The following MUC15 variants were observed in gnomAD, a reference collection of about 807,000 sequenced individuals.
MUC15 encodes the protein mucin 15, cell surface associated.
In MUC15, 23 loss-of-function variants were observed where a neutral mutation model predicts 24.0. That is an observed-to-expected ratio of 0.96 (90% CI 0.69 to 1.36). The LOEUF is 1.36. MUC15 is among the 40% of genes most tolerant of loss of function. MUC15 has a pLI of 0.00. For synonymous variants in MUC15, 151 were observed against 156.3 expected (o/e 0.97, Z 0.25); for missense variants, 442 against 428.2 (o/e 1.03, Z -0.29).
chr11:26,568,785 T>C (rs1003519284), intron 1 of MUC15, among the ~76,000 whole-genome samples: 3 of 152,052 alleles, frequency 2.0e-5, no homozygotes, highest in Non-Finnish European at 4.4e-5. Context: ...TAATTCAGTT[T>C]AGTTTAAAAA....
Position 26,559,533 on chromosome 11 carries a change from C to A in MUC15, c.*1532G>T. The A allele has an allele frequency of 3.5e-6, 2 of 567,262 alleles. No individual in the cohort carries two copies. The highest frequency in any genetic ancestry group is 2.3e-5 in the South Asian group (1 of 43,058). The allele number at this position is 567,262 out of a possible 1,614,324, so 35.1% of individuals were successfully genotyped here. A position where few individuals can be genotyped will look rare whatever the true frequency, so the allele number is the denominator to read the frequency against. ...GGGCTAATGTTGTTTCTTCACCTCT[C>A]CCCATGAGAAAAATCATGTGAAATT... On this transcript the variant is annotated 3_prime_UTR_variant, in exon 5 of 5. Coordinates refer to ENST00000529533, the MANE Select transcript of MUC15 (RefSeq NM_001135091.2).
intron 3 of MUC15, among the ~76,000 whole-genome samples, chr11:26,564,783 A>ATCTGAGTT: frequency 9.9e-6 from 1 of 100,714 alleles, no homozygotes; most frequent in Non-Finnish European, 2.0e-5. Flanking sequence ...ATATATATAT[A>ATCTGAGTT]TAAGTTCAGT....
chr11:26,569,270 A>T (rs1188148874), intron 1 of MUC15, among the ~76,000 whole-genome samples: 1 of 152,176 alleles, frequency 6.6e-6, no homozygotes, highest in Non-Finnish European at 1.5e-5. Flanking sequence ...GTTACTGCCT[A>T]TAATTTATCT....
chr11:26,560,917 A>G lies in MUC15; in HGVS notation c.*148T>C. On this transcript the variant is annotated 3_prime_UTR_variant, in exon 5 of 5. Transcript: ENST00000529533. ...AACCTTTGGATGATACATCCTGTCT[A>G]CATTTCTGCTACTGGTCTCCTGCTT... is the stretch of plus-strand genomic sequence containing the variant. 1.3e-6 allele frequency: 1 copy of G among 740,874 alleles called. No homozygotes were observed. 45.9% of individuals were successfully genotyped at this position (740,874 alleles called of 1,614,324 possible). A position where few individuals can be genotyped will look rare whatever the true frequency, so the allele number is the denominator to read the frequency against.
chr11:26,564,728 CACACATATAT>C (rs1196522487), intron 3 of MUC15, among the ~76,000 whole-genome samples: 175 of 35,940 alleles, frequency 4.9e-3, no homozygotes, highest in Non-Finnish European at 6.5e-3. Flanking sequence ...CACACACACA[CACACATATAT>C]ATATATATAT....
chr11:26,565,570 A>G lies in MUC15; in HGVS notation c.370T>C (p.Leu124=), dbSNP rs866610526. ...GTAGATGTGGGTTTTAGACTGCCCAAAGAATGCTCTGCTGATGAGTTACTG... is the reference window on the plus strand; with the variant it reads ...GTAGATGTGGGTTTTAGACTGCCCAGAGAATGCTCTGCTGATGAGTTACTG... ...FSSNSSAEHS[L]GSLKPTSTIS... Residue 124 remains leucine, a synonymous_variant, in exon 3 of 5, where the codon TTG becomes CTG. Coordinates refer to ENST00000529533, the MANE Select transcript of MUC15 (RefSeq NM_001135091.2). 6.8e-6 allele frequency: 11 copies of G among 1,613,230 alleles called. No individual in the cohort carries two copies. Among genetic ancestry groups the G allele is most frequent in the Admixed American group, 3.3e-5 (2 of 59,848 alleles).
chr11:26,570,671 T>C (rs1175082935), intron 1 of MUC15, among the ~76,000 whole-genome samples: 1 of 152,166 alleles, frequency 6.6e-6, no homozygotes, highest in Non-Finnish European at 1.5e-5. Context: ...TGTTTGATCA[T>C]TTCTTCTCAC....
In MUC15 at chr11:26,560,721, A is replaced by T. The variant is rs542679327; in HGVS notation, c.*344T>A. 139 of 177,766 alleles carry T rather than the reference A, an allele frequency of 7.8e-4. No individual in the cohort carries two copies. The highest frequency in any genetic ancestry group is 3.2e-3 in the African/African-American group (136 of 42,086). The allele number at this position is 177,766 out of a possible 1,614,324, so 11.0% of individuals were successfully genotyped here. A position where few individuals can be genotyped will look rare whatever the true frequency, so the allele number is the denominator to read the frequency against. On this transcript the variant is annotated 3_prime_UTR_variant, in exon 5 of 5. Coordinates refer to ENST00000529533, the MANE Select transcript of MUC15 (RefSeq NM_001135091.2). The stretch of plus-strand genomic sequence containing the variant: ...AAAGAGTCATCTTCATTGTTTTAGA[A>T]TTTTTTGGTGGAATAATTTTTATTA...
Position 26,559,882 on chromosome 11 carries a change from T to C in MUC15, c.*1183A>G. On this transcript the variant is annotated 3_prime_UTR_variant, in exon 5 of 5. Coordinates refer to ENST00000529533, the MANE Select transcript of MUC15 (RefSeq NM_001135091.2). ...CACACACACACACACACACCATGAA[T>C]CAATTCAAAAATAAAGCCTCTAGGT... 2.4e-6 allele frequency: 2 copies of C among 820,084 alleles called. No individual in the cohort carries two copies. Among genetic ancestry groups the C allele is most frequent in the South Asian group, 3.3e-5 (2 of 60,784 alleles). 50.8% of individuals were successfully genotyped at this position (820,084 alleles called of 1,614,324 possible).
At chr11:26,562,533 C>G (rs1850334351) in intron 4 of MUC15, among the ~76,000 whole-genome samples, 1 of 151,984 alleles carries the variant, frequency 6.6e-6, no homozygotes, top group South Asian at 2.1e-4. Context: ...TTTTAGTATA[C>G]ATATTTCTCA....
At chr11:26,571,001 T>C (rs1304574986) in intron 1 of MUC15, among the ~76,000 whole-genome samples, 2 of 152,032 alleles carry the variant, frequency 1.3e-5, no homozygotes, top group Admixed American at 6.6e-5. Flanking sequence ...AAGAAAAGAC[T>C]GGCTTTCTTT....
rs1187750022 is a variant in MUC15 at position 26,567,064 on chromosome 11, A to G, written c.31T>C (p.Ser11Pro). The change falls in exon 2 of 5, where the codon TCA becomes CCA. Residue 11 changes from serine (S) to proline (P), a missense_variant. Transcript: ENST00000529533. ...ATTTGATACTTACAACAATCCCTTG[A>G]TGTGGCAAGAATAGATTGTATTATG... The part of the protein sequence containing the change: MGIIQSILAT[S>P]RDCYSFKKKP... 6.6e-7 allele frequency: 1 copy of G among 1,510,230 alleles called. No individual in the cohort carries two copies. The highest frequency in any genetic ancestry group is 2.1e-5 in the Admixed American group (1 of 47,582). The allele number at this position is 1,510,230 out of a possible 1,614,324, so 93.6% of individuals were successfully genotyped here.
In MUC15 at chr11:26,560,510, A is replaced by G. The variant is rs1398854327; in HGVS notation, c.*555T>C. Reference sequence around the variant, plus strand: ...GGGCTGATCATGTGTGTGCTGATCTAGAAAATTATAACGTACTAGAATACA... The same window carrying G: ...GGGCTGATCATGTGTGTGCTGATCTGGAAAATTATAACGTACTAGAATACA... On this transcript the variant is annotated 3_prime_UTR_variant, in exon 5 of 5. Coordinates refer to ENST00000529533, the MANE Select transcript of MUC15 (RefSeq NM_001135091.2). 2.6e-5 allele frequency: 4 copies of G among 152,350 alleles called. No homozygotes were observed. Among genetic ancestry groups the G allele is most frequent in the Non-Finnish European group, 4.4e-5 (3 of 68,232 alleles). The allele number at this position is 152,350 out of a possible 1,614,324, so 9.4% of individuals were successfully genotyped here. A position where few individuals can be genotyped will look rare whatever the true frequency, so the allele number is the denominator to read the frequency against.
At chr11:26,566,286 G>A (rs1850580485) in intron 2 of MUC15, among the ~76,000 whole-genome samples, 1 of 151,998 alleles carries the variant, frequency 6.6e-6, no homozygotes, top group Admixed American at 6.6e-5. Context: ...TATAGACCAT[G>A]TAGAGCTGGC....
chr11:26,562,390 G>T (rs186743979), intron 4 of MUC15, among the ~76,000 whole-genome samples: 1 of 151,914 alleles, frequency 6.6e-6, no homozygotes. Flanking sequence ...ATTTGTTATG[G>T]TGACAAGAAT....
chr11:26,564,831 G>A (rs1217451621), intron 3 of MUC15, among the ~76,000 whole-genome samples: 1 of 135,426 alleles, frequency 7.4e-6, no homozygotes, highest in African/African-American at 2.7e-5. Flanking sequence ...ATTTCAGGTA[G>A]TCTTTTCAAG....
In MUC15 at chr11:26,565,170, TG is replaced by T. The variant is rs1565109677; in HGVS notation, c.769del (p.Gln257LysfsTer9). The T allele has an allele frequency of 1.4e-5, 21 of 1,499,994 alleles. No homozygotes were observed. The highest frequency in any genetic ancestry group is 1.8e-5 in the Non-Finnish European group (20 of 1,124,770). The allele number at this position is 1,499,994 out of a possible 1,614,324, so 92.9% of individuals were successfully genotyped here. A position where few individuals can be genotyped will look rare whatever the true frequency, so the allele number is the denominator to read the frequency against. On this transcript the variant is annotated frameshift_variant, in exon 3 of 5. Coordinates refer to ENST00000529533, the MANE Select transcript of MUC15 (RefSeq NM_001135091.2). LOFTEE classifies it high-confidence loss of function. Reference sequence around the variant, plus strand: ...TTAAAATCATTTATATTTACCTTTTTGGGGATCTGACGTATTTGGAAAGAGT... The same window carrying T: ...TTAAAATCATTTATATTTACCTTTTTGGGATCTGACGTATTTGGAAAGAGT... ...SKLFPNTSDP[Q>X]KENRNTGIVF...
chr11:26,565,508 A>T lies in MUC15; in HGVS notation c.432T>A (p.Val144=), dbSNP rs753579419. ...STSPPLIHSF[V]SKVPWNAPIA... is the part of the protein sequence containing the mutation. Reference sequence around the variant, plus strand: ...TAGGTGCATTCCAAGGCACTTTAGAAACAAAGCTATGGATCAAGGGAGGGC... The same window carrying T: ...TAGGTGCATTCCAAGGCACTTTAGATACAAAGCTATGGATCAAGGGAGGGC... The change falls in exon 3 of 5, where the codon GTT becomes GTA. Residue 144 remains valine (V), a synonymous_variant. Coordinates refer to ENST00000529533, the MANE Select transcript of MUC15 (RefSeq NM_001135091.2). 6 of 1,613,426 alleles carry T rather than the reference A, an allele frequency of 3.7e-6. No homozygotes were observed. Among genetic ancestry groups the T allele is most frequent in the Non-Finnish European group, 5.1e-6 (6 of 1,179,558 alleles).
At chr11:26,561,312 T>C in intron 4 of MUC15, 87 bp from the exon 5 acceptor site, 1 of 932,908 alleles carries the variant, frequency 1.1e-6, no homozygotes. Context: ...GGAATTATTC[T>C]AGATGAGAAA....
Sources: allele counts gnomAD v4.1 joint callset (sites outside exome capture counted in the v4.1 genomes callset), GRCh38; gene constraint gnomAD v4.1.1; transcripts MANE v1.5; gene names NCBI Gene and HGNC (gene_info 2026-07-23, HGNC 2026-07-21).